The following CDC73 variants were observed in gnomAD, a reference collection of about 807,000 sequenced individuals.
The protein encoded by CDC73 is cell division cycle 73.
In CDC73, 21 loss-of-function variants were observed where a neutral mutation model predicts 83.7. The observed-to-expected ratio is 0.25, with a 90% CI of 0.18 to 0.36. The LOEUF (loss-of-function observed/expected upper bound fraction) is 0.36. Among genes scored for constraint, CDC73 ranks in the 10% least tolerant of loss-of-function variants. The pLI, the probability that CDC73 is intolerant of heterozygous loss-of-function variation, is 1.00. For synonymous variants in CDC73, 224 were observed against 212.9 expected (o/e 1.05, Z -0.45); for missense variants, 342 against 653.3 (o/e 0.52, Z 5.19).
chr1:193,248,835 G>A (rs1057056350), intron 15 of CDC73, among the ~76,000 whole-genome samples: 3 of 152,032 alleles, frequency 2.0e-5, no homozygotes, highest in African/African-American at 7.2e-5. Flanking sequence ...TGGATGAGGA[G>A]TTCCTTCTTA....
At chr1:193,154,343 C>G (rs756086664) in intron 10 of CDC73, among the ~76,000 whole-genome samples, 3 of 152,170 alleles carry the variant, frequency 2.0e-5, no homozygotes, top group African/African-American at 7.2e-5. Flanking sequence ...GTAGTAAAAT[C>G]TGTGATGGGT....
intron 1 of CDC73, 121 bp from the exon 2 acceptor site, chr1:193,124,991 T>C: frequency 1.5e-6 from 1 of 648,972 alleles, no homozygotes; most frequent in Non-Finnish European, 2.8e-6. Flanking sequence ...GATTTTATAC[T>C]TTTTTTTTGT....
chr1:193,203,918 T>C lies in CDC73; in HGVS notation c.1030+66T>C, dbSNP rs376109513. The C allele has an allele frequency of 2.0e-4, 248 of 1,252,664 alleles. 3 individuals are homozygous for C. In the South Asian group the frequency reaches 2.8e-3, roughly 14 times the overall value. The allele number at this position is 1,252,664 out of a possible 1,614,324, so 77.6% of individuals were successfully genotyped here. ...ATCGTAACAGTGCAAGTTTTTAGTA[T>C]GCGTATAATGCTTTGAACAAACTTA... On this transcript the variant is annotated intron_variant, in intron 11 of 16. Transcript: ENST00000367435.
chr1:193,226,383 C>T (rs1182448867), intron 13 of CDC73, among the ~76,000 whole-genome samples: 3 of 152,066 alleles, frequency 2.0e-5, no homozygotes, highest in African/African-American at 7.2e-5. Flanking sequence ...GAGTGGATAT[C>T]TTTGTCTTGT....
chr1:193,242,306 G>A (rs1278265708), intron 15 of CDC73, among the ~76,000 whole-genome samples: 1 of 152,158 alleles, frequency 6.6e-6, no homozygotes, highest in African/African-American at 2.4e-5. Flanking sequence ...AGCTTTCTGT[G>A]TTGGTGTCAG....
At position 193,130,263 on chromosome 1, in the gene CDC73, T is replaced by C; in HGVS notation, c.307+20T>C. The C allele has an allele frequency of 1.4e-6, 2 of 1,396,844 alleles. No homozygotes were observed. Among genetic ancestry groups the C allele is most frequent in the Non-Finnish European group, 2.0e-6 (2 of 983,006 alleles). The allele number at this position is 1,396,844 out of a possible 1,614,324, so 86.5% of individuals were successfully genotyped here. A position where few individuals can be genotyped will look rare whatever the true frequency, so the allele number is the denominator to read the frequency against. On this transcript the variant is annotated intron_variant, in intron 3 of 16. Coordinates refer to ENST00000367435, the MANE Select transcript of CDC73 (RefSeq NM_024529.5). The stretch of plus-strand genomic sequence containing the variant: ...AAGCGTGTGAGTACTTTTTAAATTG[T>C]TCCCAGTCTTAAACAGACATTGTTT...
intron 10 of CDC73, among the ~76,000 whole-genome samples, chr1:193,158,303 G>A (rs1355288292): frequency 6.6e-6 from 1 of 151,934 alleles, no homozygotes. Flanking sequence ...TAACTAGGTT[G>A]GCCTTTTCCA....
rs894987430 is a variant in CDC73 at position 193,148,639 on chromosome 1, A to ATTT, written c.828+698_828+700dup. 4.6e-4 allele frequency among the ~76,000 whole-genome samples: 52 copies of ATTT among 113,688 alleles called. 3 individuals carry two copies. The highest frequency in any genetic ancestry group is 1.1e-3 in the African/African-American group (33 of 28,988). 74.6% of individuals were successfully genotyped at this position (113,688 alleles called of 152,430 possible). A position where few individuals can be genotyped will look rare whatever the true frequency, so the allele number is the denominator to read the frequency against. On this transcript the variant is annotated intron_variant, in intron 8 of 16. Coordinates refer to ENST00000367435, the MANE Select transcript of CDC73 (RefSeq NM_024529.5). ...AGATTCTATAAATAGAAAATTTATA[A>ATTT]TTTTTTTTTTTTTTTTTTTTTTTTT...
chr1:193,170,415 A>G (rs767630737), intron 10 of CDC73, among the ~76,000 whole-genome samples: 1 of 152,190 alleles, frequency 6.6e-6, no homozygotes, highest in Non-Finnish European at 1.5e-5. Flanking sequence ...TTCATCAACA[A>G]TGTGTAAGCC....
intron 13 of CDC73, among the ~76,000 whole-genome samples, chr1:193,220,323 C>G (rs1266512359): frequency 6.6e-6 from 1 of 151,922 alleles, no homozygotes; most frequent in Non-Finnish European, 1.5e-5. Context: ...GGCACAACAC[C>G]TGGTTAATTT....
rs370382322 is a variant in CDC73 at position 193,204,253 on chromosome 1, A to ATGTGTG, written c.1030+421_1030+426dup. On this transcript the variant is annotated intron_variant, in intron 11 of 16. Coordinates refer to ENST00000367435, the MANE Select transcript of CDC73 (RefSeq NM_024529.5). Reference sequence around the variant, plus strand: ...TATATATACACGTATATATATGTGTATGTGTGTGTGTGTGTGTGTGTGTGT... The same window carrying ATGTGTG: ...TATATATACACGTATATATATGTGTATGTGTGTGTGTGTGTGTGTGTGTGTGTGTGT... 5.8e-3 allele frequency among the ~76,000 whole-genome samples: 715 copies of ATGTGTG among 123,756 alleles called. 4 individuals are homozygous for ATGTGTG. Among genetic ancestry groups the ATGTGTG allele is most frequent in the East Asian group, 0.019 (83 of 4,456 alleles). 81.2% of individuals were successfully genotyped at this position (123,756 alleles called of 152,430 possible).
intron 8 of CDC73, among the ~76,000 whole-genome samples, chr1:193,149,659 G>A (rs982007469): frequency 4.6e-5 from 7 of 151,900 alleles, no homozygotes; most frequent in African/African-American, 1.7e-4. Flanking sequence ...TATTTTATTT[G>A]GCATAATATT....
intron 11 of CDC73, among the ~76,000 whole-genome samples, chr1:193,207,549 C>T (rs548189601): frequency 6.6e-5 from 10 of 152,190 alleles, no homozygotes; most frequent in South Asian, 2.1e-4. Flanking sequence ...ATTCCTTCCC[C>T]GGGGTATTCC....
chr1:193,165,796 A>T (rs1676426037), intron 10 of CDC73, among the ~76,000 whole-genome samples: 1 of 152,182 alleles, frequency 6.6e-6, no homozygotes, highest in Non-Finnish European at 1.5e-5. Context: ...TGAGGTCTCC[A>T]CTGGTACACT....
intron 10 of CDC73, among the ~76,000 whole-genome samples, chr1:193,197,386 ATTGT>A (rs1329785288): frequency 1.3e-5 from 2 of 152,156 alleles, no homozygotes; most frequent in African/African-American, 4.8e-5. Flanking sequence ...TTAAAAGAAA[ATTGT>A]TTAACAGTTA....
At chr1:193,206,006 G>A (rs1414551358) in intron 11 of CDC73, among the ~76,000 whole-genome samples, 1 of 152,132 alleles carries the variant, frequency 6.6e-6, no homozygotes, top group African/African-American at 2.4e-5. Context: ...CCTGAGGATT[G>A]TAACTTAGTA....
rs1060500014 is a variant in CDC73, at chr1:193,232,990, A to G, written c.1155-3A>G. 1 of 1,612,388 alleles carries G rather than the reference A, an allele frequency of 6.2e-7. No individual in the cohort carries two copies. The highest frequency in any genetic ancestry group is 8.5e-7 in the Non-Finnish European group (1 of 1,178,488). On this transcript the variant is annotated splice_polypyrimidine_tract_variant and splice_region_variant and intron_variant, in intron 13 of 16. Transcript: ENST00000367435. Reference sequence around the variant, plus strand: ...ACTTTTTCTCATCTCTGTTTTTTCAAAGATTTGTCCCATCAGATGAAAAGA... The same window carrying G: ...ACTTTTTCTCATCTCTGTTTTTTCAGAGATTTGTCCCATCAGATGAAAAGA...
At chr1:193,223,477 AT>A (rs1677508180) in intron 13 of CDC73, among the ~76,000 whole-genome samples, 4 of 152,146 alleles carry the variant, frequency 2.6e-5, no homozygotes, top group African/African-American at 4.8e-5. Context: ...CAGTTTTACC[AT>A]TTGAGATATT....
At chr1:193,146,754 C>G (rs1254416664) in intron 7 of CDC73, among the ~76,000 whole-genome samples, 1 of 152,198 alleles carries the variant, frequency 6.6e-6, no homozygotes, top group Non-Finnish European at 1.5e-5. Flanking sequence ...AAAGAGTCGT[C>G]AGATTAGTTA....
Sources: allele counts gnomAD v4.1 joint callset (sites outside exome capture counted in the v4.1 genomes callset), GRCh38; gene constraint gnomAD v4.1.1; transcripts MANE v1.5; gene names NCBI Gene and HGNC (gene_info 2026-07-23, HGNC 2026-07-21).